DPYSL5: variants seen among roughly 807,000 people sequenced by gnomAD.
The protein encoded by DPYSL5 is dihydropyrimidinase-related protein 5.
A neutral mutation model predicts 58.4 loss-of-function variants in DPYSL5; 9 were observed. The ratio of observed to expected loss-of-function variants is 0.15; its 90% CI spans 0.09 to 0.27. The LOEUF is 0.27. Among genes scored for constraint, DPYSL5 ranks in the 10% least tolerant of loss-of-function variants. DPYSL5 has a pLI of 1.00. For missense variants in DPYSL5, 499 were observed against 770.6 expected, an observed-to-expected ratio of 0.65 and a Z score of 4.17; for synonymous variants, 293 against 301.9, an observed-to-expected ratio of 0.97 and a Z score of 0.31.
chr2:26,882,429 CTGTGTGTGTGTG>C (rs145178218), intron 1 of DPYSL5, among the ~76,000 whole-genome samples: 1 of 146,210 alleles, frequency 6.8e-6, no homozygotes, highest in East Asian at 2.1e-4. Flanking sequence ...GTGTGTGTGT[CTGTGTGTGTGTG>C]TGTGTGTGTG....
intron 1 of DPYSL5, among the ~76,000 whole-genome samples, chr2:26,880,461 A>G (rs1663530592): frequency 6.6e-6 from 1 of 152,200 alleles, no homozygotes; most frequent in African/African-American, 2.4e-5. Context: ...CCGCTGTGCC[A>G]GGGCACCCTG....
In DPYSL5 at chr2:26,948,571, GC is replaced by G; in HGVS notation, c.*1580del. 1 of 152,718 alleles carries G rather than the reference GC, an allele frequency of 6.5e-6. No individual in the cohort carries two copies. The highest frequency in any genetic ancestry group is 1.5e-5 in the Non-Finnish European group (1 of 68,352). 9.5% of individuals were successfully genotyped at this position (152,718 alleles called of 1,614,324 possible). The stretch of plus-strand genomic sequence containing the variant: ...CTTCTGGACCCTCGGTTAAAGGTCA[GC>G]CCCTGGCCGGGTGCGGTGGCTCACG... On this transcript the variant is annotated 3_prime_UTR_variant, in exon 13 of 13. Transcript: ENST00000288699.
chr2:26,919,047 G>C (rs1479680044), intron 2 of DPYSL5, among the ~76,000 whole-genome samples: 1 of 152,156 alleles, frequency 6.6e-6, no homozygotes, highest in African/African-American at 2.4e-5. Context: ...GATGGTAAGA[G>C]AGTGAATCTT....
intron 1 of DPYSL5, among the ~76,000 whole-genome samples, chr2:26,897,653 A>G (rs1195367467): frequency 6.6e-6 from 1 of 152,156 alleles, no homozygotes; most frequent in Admixed American, 6.5e-5. Context: ...TTTTTGGTAT[A>G]AGGCTAATAC....
chr2:26,850,378 C>T (rs965280184), intron 1 of DPYSL5, among the ~76,000 whole-genome samples: 7 of 152,190 alleles, frequency 4.6e-5, no homozygotes, highest in African/African-American at 1.7e-4. Flanking sequence ...CTCAGCCTCT[C>T]GCCCGCCGTC....
chr2:26,900,095 C>T (rs1214436967), intron 2 of DPYSL5, among the ~76,000 whole-genome samples: 2 of 152,144 alleles, frequency 1.3e-5, no homozygotes, highest in African/African-American at 4.8e-5. Flanking sequence ...CAGAGAAGTG[C>T]AGAAATTGTA....
chr2:26,947,832 G>C lies in DPYSL5; in HGVS notation c.*837G>C, dbSNP rs1187524544. 1.3e-5 allele frequency: 2 copies of C among 152,950 alleles called. No individual in the cohort carries two copies. The highest frequency in any genetic ancestry group is 6.5e-5 in the Admixed American group (1 of 15,280). 9.5% of individuals were successfully genotyped at this position (152,950 alleles called of 1,614,324 possible). A position where few individuals can be genotyped will look rare whatever the true frequency, so the allele number is the denominator to read the frequency against. The stretch of plus-strand genomic sequence containing the variant: ...CACCAACCAGACAGCACAGGGCAGG[G>C]GTGGTGGAGGGGGCTGGGCTCACAG... On this transcript the variant is annotated 3_prime_UTR_variant, in exon 13 of 13. Transcript: ENST00000288699. The surrounding 1 kb of genome is among the most constrained non-coding windows in gnomAD (Gnocchi z 4.2).
intron 9 of DPYSL5, among the ~76,000 whole-genome samples, 175 bp from the exon 10 acceptor site, chr2:26,941,775 T>C (rs1490139361): frequency 2.0e-5 from 3 of 152,204 alleles, no homozygotes; most frequent in African/African-American, 7.2e-5. Context: ...AGTGAGCAAC[T>C]GGGACCCAGC....
intron 1 of DPYSL5, among the ~76,000 whole-genome samples, chr2:26,893,974 C>A (rs1663952300): frequency 6.6e-6 from 1 of 151,544 alleles, no homozygotes; most frequent in Admixed American, 6.6e-5. Context: ...GTTCAGATAT[C>A]TAAGGGTCAA....
In DPYSL5 at chr2:26,927,874, T is replaced by C. The variant is rs994221919; in HGVS notation, c.601-381T>C. On this transcript the variant is annotated intron_variant, in intron 4 of 12. Transcript: ENST00000288699. This position sits in a 1 kb window ranked among gnomAD's most constrained non-coding sequence, Gnocchi z 4.3. Reference sequence around the variant, plus strand: ...AGCCTCTGGTGCATTCTCCTAGGTCTTGGGGTAAGGGCTAGCCTAGCAGTT... The same window carrying C: ...AGCCTCTGGTGCATTCTCCTAGGTCCTGGGGTAAGGGCTAGCCTAGCAGTT... Among the ~76,000 whole-genome samples the C allele has an allele frequency of 1.4e-4, 21 of 152,198 alleles. No homozygotes were observed. The highest frequency in any genetic ancestry group is 4.8e-4 in the African/African-American group (20 of 41,452).
chr2:26,901,150 C>T (rs78798686), intron 2 of DPYSL5, among the ~76,000 whole-genome samples: 24 of 152,272 alleles, frequency 1.6e-4, no homozygotes, highest in African/African-American at 5.5e-4. Flanking sequence ...TTCAGGCTGC[C>T]TCAGGAGCCC....
intron 1 of DPYSL5, among the ~76,000 whole-genome samples, chr2:26,884,615 T>C (rs1312951925): frequency 6.6e-6 from 1 of 152,062 alleles, no homozygotes; most frequent in Non-Finnish European, 1.5e-5. Context: ...CTAATCTCAC[T>C]GAACAAGTGG....
intron 1 of DPYSL5, among the ~76,000 whole-genome samples, chr2:26,868,530 G>A (rs1663172725): frequency 6.6e-6 from 1 of 152,146 alleles, no homozygotes; most frequent in African/African-American, 2.4e-5. Flanking sequence ...AAGGTAGGGA[G>A]CCAATTTAAT....
intron 5 of DPYSL5, among the ~76,000 whole-genome samples, chr2:26,928,752 CGTGTGTGCGT>C (rs1664896875): frequency 1.2e-5 from 1 of 86,704 alleles, no homozygotes; most frequent in Non-Finnish European, 2.5e-5. Context: ...CACACACATA[CGTGTGTGCGT>C]GTGTGTGTGT....
intron 1 of DPYSL5, among the ~76,000 whole-genome samples, chr2:26,856,739 A>G (rs1665888127): frequency 6.6e-6 from 1 of 151,918 alleles, no homozygotes; most frequent in Admixed American, 6.6e-5. Context: ...TCTGAAGTAT[A>G]CAATGCAGCT....
rs1368186939 is a variant in DPYSL5 at position 26,925,327 on chromosome 2, G to A, written c.420+282G>A. ...TTGCTCTGACCATGAGGCTCTTACC[G>A]TCTCGTGTGAATGTAGGGCACCACT... On this transcript the variant is annotated intron_variant, in intron 3 of 12. Transcript: ENST00000288699. The surrounding 1 kb of genome is among the most constrained non-coding windows in gnomAD (Gnocchi z 4.5). Among the ~76,000 whole-genome samples the A allele has an allele frequency of 2.0e-5, 3 of 152,104 alleles. No homozygotes were observed. The highest frequency in any genetic ancestry group is 7.2e-5 in the African/African-American group (3 of 41,410).
chr2:26,915,797 T>G (rs1444111255), intron 2 of DPYSL5, among the ~76,000 whole-genome samples: 1 of 152,158 alleles, frequency 6.6e-6, no homozygotes, highest in East Asian at 1.9e-4. Context: ...GGACCTGTGC[T>G]TCCTCAGCTC....
intron 1 of DPYSL5, among the ~76,000 whole-genome samples, chr2:26,865,865 A>G (rs1666127456): frequency 6.6e-6 from 1 of 152,176 alleles, no homozygotes; most frequent in African/African-American, 2.4e-5. Flanking sequence ...TCTGTAACAC[A>G]CAGCCCTTGC....
In DPYSL5 at chr2:26,877,780, A is replaced by G. The variant is rs1292274093; in HGVS notation, c.-4-20716A>G. Among the ~76,000 whole-genome samples, 3 of 152,228 alleles carry G rather than the reference A, an allele frequency of 2.0e-5. No individual in the cohort carries two copies. The highest frequency in any genetic ancestry group is 7.2e-5 in the African/African-American group (3 of 41,456). ...ACTCATATAAATACACATATAGATA[A>G]ACATACCTTGGGTTCTGGTTTTGTC... On this transcript the variant is annotated intron_variant, in intron 1 of 12. Transcript: ENST00000288699. The surrounding 1 kb of genome is among the most constrained non-coding windows in gnomAD (Gnocchi z 4.1).
Sources: allele counts gnomAD v4.1 joint callset (sites outside exome capture counted in the v4.1 genomes callset), GRCh38; gene constraint gnomAD v4.1.1; non-coding constraint Gnocchi (gnomAD v3.1); transcripts MANE v1.5; gene names NCBI Gene and HGNC (gene_info 2026-07-23, HGNC 2026-07-21).